The following SPAG16 variants were observed in gnomAD, a reference collection of about 807,000 sequenced individuals.
SPAG16 encodes the protein sperm associated antigen 16.
Under a neutral mutation model 80.4 loss-of-function variants are expected in SPAG16, and 86 were observed. That is an observed-to-expected ratio of 1.07 (90% CI 0.90 to 1.28). SPAG16 has a LOEUF of 1.28. Among genes scored for constraint, SPAG16 ranks in the 50% most tolerant of loss-of-function variants. The pLI is 0.00. For synonymous variants in SPAG16, 294 were observed against 265.9 expected, an observed-to-expected ratio of 1.11 and a Z score of -1.03; for missense variants, 870 against 765.3, an observed-to-expected ratio of 1.14 and a Z score of -1.61.
intron 10 of SPAG16, among the ~76,000 whole-genome samples, chr2:213,711,812 G>A (rs1161359919): frequency 2.0e-5 from 3 of 151,928 alleles, no homozygotes; most frequent in African/African-American, 4.8e-5. Flanking sequence ...GAGCCACCAC[G>A]CCCGACCCGT....
chr2:214,090,329 CA>C lies in SPAG16; in HGVS notation c.1528-17866del, dbSNP rs2052093720. On this transcript the variant is annotated intron_variant, in intron 13 of 15. Transcript: ENST00000331683. The stretch of plus-strand genomic sequence containing the variant: ...TTAAACACTAAAAAAGATGAAAGAA[CA>C]GCAATATTCAATTTCTTCGCAAACT... 2.0e-5 allele frequency among the ~76,000 whole-genome samples: 3 copies of C among 151,760 alleles called. No individual in the cohort carries two copies. The South Asian group carries it at 6.2e-4, about 32-fold the overall frequency.
chr2:214,015,350 C>A (rs1575829948), intron 13 of SPAG16, among the ~76,000 whole-genome samples: 1 of 151,890 alleles, frequency 6.6e-6, no homozygotes, highest in African/African-American at 2.4e-5. Flanking sequence ...TGTAATCCCA[C>A]CACTTTGGGA....
intron 10 of SPAG16, among the ~76,000 whole-genome samples, chr2:213,743,580 C>A (rs1213519379): frequency 1.3e-5 from 2 of 152,188 alleles, no homozygotes; most frequent in Non-Finnish European, 2.9e-5. Context: ...TTCTCTGACA[C>A]CTGACTTCCA....
At chr2:213,577,997 T>G (rs990990824) in intron 10 of SPAG16, among the ~76,000 whole-genome samples, 4 of 151,982 alleles carry the variant, frequency 2.6e-5, no homozygotes, top group Admixed American at 2.0e-4. Flanking sequence ...CTAAAACTCT[T>G]AAGGAACCTG....
chr2:213,436,250 G>A (rs1259591686), intron 9 of SPAG16, among the ~76,000 whole-genome samples: 3 of 152,172 alleles, frequency 2.0e-5, no homozygotes, highest in Non-Finnish European at 4.4e-5. Flanking sequence ...ACAATTTCTA[G>A]CGGTTTTCAC....
At chr2:213,371,799 C>T (rs953104240) in intron 8 of SPAG16, among the ~76,000 whole-genome samples, 3 of 152,066 alleles carry the variant, frequency 2.0e-5, no homozygotes, top group Non-Finnish European at 4.4e-5. Flanking sequence ...ACTTTTTTGA[C>T]TACCAAAGTG....
intron 5 of SPAG16, among the ~76,000 whole-genome samples, chr2:213,320,331 A>G (rs540939737): frequency 3.3e-5 from 5 of 152,042 alleles, no homozygotes; most frequent in African/African-American, 1.2e-4. Context: ...TTTTGATTAC[A>G]TACATACAAT....
chr2:214,085,228 C>G (rs1295750490), intron 13 of SPAG16, among the ~76,000 whole-genome samples: 3 of 151,856 alleles, frequency 2.0e-5, no homozygotes, highest in Non-Finnish European at 4.4e-5. Flanking sequence ...TATAATTAGC[C>G]AGGCATGGTG....
chr2:213,991,187 G>A (rs1027271368), intron 12 of SPAG16, among the ~76,000 whole-genome samples: 23 of 152,110 alleles, frequency 1.5e-4, no homozygotes, highest in African/African-American at 5.3e-4. Context: ...GGTGTGTGAT[G>A]TTCCCCTCCC....
intron 12 of SPAG16, among the ~76,000 whole-genome samples, chr2:213,972,721 G>C (rs1023214299): frequency 1.3e-5 from 2 of 152,080 alleles, no homozygotes; most frequent in African/African-American, 4.8e-5. Context: ...CCATCACAGA[G>C]TCTTTTATTT....
intron 12 of SPAG16, among the ~76,000 whole-genome samples, chr2:213,932,721 A>G (rs2078819192): frequency 6.6e-6 from 1 of 152,060 alleles, no homozygotes; most frequent in African/African-American, 2.4e-5. Flanking sequence ...TTAGTTCCTC[A>G]CCAAAAAGTT....
intron 12 of SPAG16, among the ~76,000 whole-genome samples, chr2:213,963,199 C>A (rs76395330): frequency 0.083 from 12,568 of 151,632 alleles, 867 homozygotes; most frequent in African/African-American, 0.19. Flanking sequence ...CTGAGCACTA[C>A]TTTAGCTGCA....
intron 15 of SPAG16, among the ~76,000 whole-genome samples, chr2:214,201,589 T>C (rs2058011226): frequency 6.6e-6 from 1 of 152,194 alleles, no homozygotes; most frequent in African/African-American, 2.4e-5. Flanking sequence ...ATGCATCAAT[T>C]TTCATACATT....
intron 15 of SPAG16, among the ~76,000 whole-genome samples, chr2:214,172,604 G>T (rs914905128): frequency 6.6e-6 from 1 of 152,018 alleles, no homozygotes; most frequent in African/African-American, 2.4e-5. Flanking sequence ...ATAGTCCTTT[G>T]GGTATATACC....
intron 10 of SPAG16, among the ~76,000 whole-genome samples, chr2:213,749,538 TC>T (rs1162619799): frequency 2.6e-5 from 4 of 152,170 alleles, no homozygotes; most frequent in African/African-American, 9.7e-5. Context: ...TAAATCTCTG[TC>T]CTCCATATAG....
At chr2:214,103,042 C>A (rs2053164702) in intron 13 of SPAG16, among the ~76,000 whole-genome samples, 1 of 152,116 alleles carries the variant, frequency 6.6e-6, no homozygotes, top group Non-Finnish European at 1.5e-5. Flanking sequence ...CACAGGCATG[C>A]AGTGTGTTTA....
chr2:214,326,773 G>A (rs1323683500), intron 15 of SPAG16, among the ~76,000 whole-genome samples: 2 of 151,820 alleles, frequency 1.3e-5, no homozygotes, highest in Non-Finnish European at 2.9e-5. Flanking sequence ...GTGAAACCCT[G>A]TCTCTACTAA....
At chr2:214,092,511 A>T (rs572175030) in intron 13 of SPAG16, among the ~76,000 whole-genome samples, 1 of 150,650 alleles carries the variant, frequency 6.6e-6, no homozygotes, top group Admixed American at 6.6e-5. Context: ...ATATAAATAT[A>T]TATATATATA....
At chr2:213,907,475 C>CAA (rs34266823) in intron 11 of SPAG16, among the ~76,000 whole-genome samples, 52,606 of 145,670 alleles carry the variant, frequency 0.36, 9,673 homozygotes, top group South Asian at 0.47. Flanking sequence ...GGAGGTTTCT[C>CAA]AAAAAAAAAA....
Sources: gnomAD v4.1 joint callset for allele counts (sites outside exome capture counted in the v4.1 genomes callset) on GRCh38, gnomAD v4.1.1 for gene constraint, MANE v1.5 for transcripts, NCBI Gene and HGNC (gene_info 2026-07-23, HGNC 2026-07-21) for gene names.